F5: variants seen among roughly 807,000 people sequenced by gnomAD.
F5 encodes activated protein c cofactor.
A neutral mutation model predicts 216.4 loss-of-function variants in F5; 138 were observed. The ratio of observed to expected loss-of-function variants is 0.64; its 90% confidence interval spans 0.56 to 0.73. The LOEUF (loss-of-function observed/expected upper bound fraction) is 0.73. Among genes scored for constraint, F5 ranks in the 30% least tolerant of loss-of-function variants. The pLI, the probability that F5 is intolerant of heterozygous loss-of-function variation, is 0.00. For synonymous variants in F5, 916 were observed against 930.7 expected, an observed-to-expected ratio of 0.98 and a Z score of 0.29; for missense variants, 2,403 against 2,674.0, an observed-to-expected ratio of 0.90 and a Z score of 2.24.
Position 169,550,621 on chromosome 1 carries a change from A to G in F5, c.1396+19T>C. 6.3e-7 allele frequency: 1 copy of G among 1,587,364 alleles called. No individual in the cohort carries two copies. Among genetic ancestry groups the G allele is most frequent in the East Asian group, 2.2e-5 (1 of 44,706 alleles). ...TCAGAAGTTACTAGTTGGATTCAGT[A>G]GAAGTGAAAGATTCAAACCTGAGGT... On this transcript the variant is annotated intron_variant, in intron 9 of 24. Coordinates refer to ENST00000367797, the MANE Select transcript of F5 (RefSeq NM_000130.5).
intron 14 of F5, among the ~76,000 whole-genome samples, chr1:169,534,909 T>C (rs563666276): frequency 9.8e-5 from 15 of 152,316 alleles, no homozygotes; most frequent in Admixed American, 2.0e-4. Flanking sequence ...GAGGCTATTA[T>C]GCTAAGTGAA....
intron 10 of F5, among the ~76,000 whole-genome samples, chr1:169,548,167 A>G (rs1660058691): frequency 6.6e-6 from 1 of 152,288 alleles, no homozygotes; most frequent in Non-Finnish European, 1.5e-5. Flanking sequence ...ATAGAAGGGA[A>G]CAATACATAC....
intron 22 of F5, 105 bp from the exon 23 acceptor site, chr1:169,518,668 A>C: frequency 2.4e-6 from 3 of 1,243,314 alleles, no homozygotes; most frequent in African/African-American, 1.5e-5. Flanking sequence ...ACAAATGACA[A>C]AAACAATAAC....
chr1:169,572,017 C>G (rs2101839839), intron 3 of F5, among the ~76,000 whole-genome samples: 1 of 152,154 alleles, frequency 6.6e-6, no homozygotes, highest in African/African-American at 2.4e-5. Flanking sequence ...AGAGTAAGAA[C>G]CCAGTGAAAA....
intron 8 of F5, among the ~76,000 whole-genome samples, chr1:169,551,928 C>A (rs895629714): frequency 1.3e-5 from 2 of 152,144 alleles, no homozygotes; most frequent in Non-Finnish European, 2.9e-5. Context: ...AGCTGCATAC[C>A]TAGACTACAT....
intron 1 of F5, among the ~76,000 whole-genome samples, chr1:169,583,924 G>A (rs1661043318): frequency 6.6e-6 from 1 of 152,190 alleles, no homozygotes; most frequent in African/African-American, 2.4e-5. Context: ...TGGTGCTGAG[G>A]GAAAGGGGAA....
intron 8 of F5, among the ~76,000 whole-genome samples, chr1:169,551,113 C>A (rs10919190): frequency 0.087 from 13,281 of 152,122 alleles, 775 homozygotes; most frequent in Non-Finnish European, 0.11. Context: ...GACCATGATC[C>A]CCTTCCCCTG....
chr1:169,570,822 G>A (rs1234912894), intron 3 of F5, among the ~76,000 whole-genome samples: 1 of 152,038 alleles, frequency 6.6e-6, no homozygotes, highest in Non-Finnish European at 1.5e-5. Context: ...TTATATGCCA[G>A]TCATTATTCT....
chr1:169,564,518 G>C (rs536637560), intron 3 of F5, among the ~76,000 whole-genome samples: 3 of 152,068 alleles, frequency 2.0e-5, no homozygotes, highest in East Asian at 1.9e-4. Context: ...TTCTTTTACT[G>C]TCTTGAGTTG....
rs781475546 is a variant in F5 at position 169,520,570 on chromosome 1, G to A, written c.6143C>T (p.Ala2048Val). 6.2e-7 allele frequency: 1 copy of A among 1,613,942 alleles called. No individual in the cohort carries two copies. Among genetic ancestry groups the A allele is most frequent in the Non-Finnish European group, 8.5e-7 (1 of 1,179,960 alleles). ...CAATCGAAGGGTAGGTCTGTTATAG[G>A]CTCGAGTTGGAGAGATCCTAATATA... ...ARYIRISPTR[A>V]YNRPTLRLEL... The change falls in exon 22 of 25, where the codon GCC becomes GTC. Residue 2048 changes from alanine to valine, a missense_variant. Around this residue, in one of 4 missense-constraint regions of F5, gnomAD observed 659 missense variants for 787.9 expected, o/e 0.84. Coordinates refer to ENST00000367797, the MANE Select transcript of F5 (RefSeq NM_000130.5).
At chr1:169,563,039 A>T (rs984471450) in intron 3 of F5, among the ~76,000 whole-genome samples, 23 of 151,844 alleles carry the variant, frequency 1.5e-4, no homozygotes, top group Admixed American at 1.3e-4. Flanking sequence ...TGTCTAAAAC[A>T]CTCTTTATTT....
In F5 at chr1:169,529,952, A is replaced by G. The variant is rs2157581; in HGVS notation, c.5209-134T>C. On this transcript the variant is annotated intron_variant, in intron 15 of 24. Transcript: ENST00000367797. ...AAGATGAAGATTATAAATGAATGGC[A>G]TAATAAGCCTGGATATTTATCACCT... 288,382 of 704,694 alleles carry G rather than the reference A, an allele frequency of 0.41. 66,941 individuals are homozygous for G. The highest frequency in any genetic ancestry group is 0.91 in the East Asian group (34,179 of 37,624). 43.7% of individuals were successfully genotyped at this position (704,694 alleles called of 1,614,324 possible). A position where few individuals can be genotyped will look rare whatever the true frequency, so the allele number is the denominator to read the frequency against.
Position 169,529,640 on chromosome 1 carries a change from G to A in F5, c.5387C>T (p.Ser1796Phe), listed in dbSNP as rs1210646429. 1 of 1,613,758 alleles carries A rather than the reference G, an allele frequency of 6.2e-7. No homozygotes were observed. Among genetic ancestry groups the A allele is most frequent in the East Asian group, 2.2e-5 (1 of 44,864 alleles). The part of the protein sequence containing the change: ...KKSRSSWRLT[S>F]SEMKKSHEFH... ...CTCATGGGATTTTTTCATTTCTGAGGATGTGAGTCTCCAAGAACTTCGGGA... is the reference window on the plus strand; with the variant it reads ...CTCATGGGATTTTTTCATTTCTGAGAATGTGAGTCTCCAAGAACTTCGGGA... Residue 1796 changes from serine (S) to phenylalanine (F), a missense_variant, in exon 16 of 25, where the codon TCC (serine) becomes TTC (phenylalanine). Transcript: ENST00000367797.
chr1:169,550,237 T>A (rs1660130308), intron 9 of F5, among the ~76,000 whole-genome samples: 1 of 151,226 alleles, frequency 6.6e-6, no homozygotes, highest in African/African-American at 2.4e-5. Context: ...CCCATTAACT[T>A]GTCATTAACA....
chr1:169,514,332 A>C lies in F5; in HGVS notation c.6656T>G (p.Phe2219Cys), dbSNP rs773692875. Residue 2219 changes from phenylalanine (F) to cysteine (C), a missense_variant, in exon 25 of 25, where the codon TTT becomes TGT. Physicochemically the swap from Phe to Cys is radical, Grantham distance 205 (BLOSUM62 -2). This residue lies in a region of F5 where 659 missense variants were observed against 787.9 expected (regional missense o/e 0.84). Transcript: ENST00000367797. ...TCAATTCTAGTAAATATCACAGCCAAAGAGTTCCAGGCGAAGTGCAATACT... is the reference window on the plus strand; with the variant it reads ...TCAATTCTAGTAAATATCACAGCCACAGAGTTCCAGGCGAAGTGCAATACT... The part of the protein sequence containing the change: ...NQSIALRLEL[F>C]GCDIY The C allele has an allele frequency of 6.2e-7, 1 of 1,613,310 alleles. No individual in the cohort carries two copies. Among genetic ancestry groups the C allele is most frequent in the Admixed American group, 1.7e-5 (1 of 59,908 alleles).
At position 169,540,847 on chromosome 1, in the gene F5, G is replaced by A. The variant is rs773140848; in HGVS notation, c.4243C>T (p.Leu1415Phe). The A allele has an allele frequency of 6.2e-7, 1 of 1,611,972 alleles. No homozygotes were observed. Among genetic ancestry groups the A allele is most frequent in the Non-Finnish European group, 8.5e-7 (1 of 1,179,064 alleles). ...DLDQMTLSPD[L>F]GETDLSPNFG... ...TTTGGGGAAAGATCTGTCTCACCAAGGTCTGGAGAAAGTGTCATCTGGTCG... is the reference window on the plus strand; with the variant it reads ...TTTGGGGAAAGATCTGTCTCACCAAAGTCTGGAGAAAGTGTCATCTGGTCG... The change falls in exon 13 of 25, where the codon CTT becomes TTT. Residue 1415 changes from leucine (L) to phenylalanine (F), a missense_variant. By Grantham distance (22) the Leu-to-Phe change is conservative (BLOSUM62 0). Around this residue, in one of 4 missense-constraint regions of F5, gnomAD observed 293 missense variants for 270.8 expected, o/e 1.08. Transcript: ENST00000367797.
At chr1:169,572,181 G>T in intron 3 of F5, 40 bp downstream of exon 3, 1 of 1,594,766 alleles carries the variant, frequency 6.3e-7, no homozygotes, top group South Asian at 1.1e-5. Context: ...TAAAGACTTA[G>T]ACATTTTCCC....
chr1:169,555,359 C>T lies in F5; in HGVS notation c.953-12G>A. The T allele has an allele frequency of 5.6e-6, 9 of 1,613,656 alleles. No homozygotes were observed. The highest frequency in any genetic ancestry group is 7.6e-6 in the Non-Finnish European group (9 of 1,179,774). On this transcript the variant is annotated splice_polypyrimidine_tract_variant and intron_variant, in intron 6 of 24. Coordinates refer to ENST00000367797, the MANE Select transcript of F5 (RefSeq NM_000130.5). ...AGCCTGCATCCCAGCTGAGTTAGGA[C>T]AGAAAGACAATGAAATAACTCAAGA...
intron 15 of F5, 138 bp downstream of exon 15, chr1:169,530,648 C>G: frequency 1.3e-6 from 1 of 783,260 alleles, no homozygotes; most frequent in Non-Finnish European, 2.2e-6. Flanking sequence ...TAAATGCAGA[C>G]TGTTAACCAC....
Sources: allele counts gnomAD v4.1 joint callset (sites outside exome capture counted in the v4.1 genomes callset), GRCh38; gene constraint gnomAD v4.1.1; regional missense constraint gnomAD v4.1.1; transcripts MANE v1.5; gene names NCBI Gene and HGNC (gene_info 2026-07-23, HGNC 2026-07-21).